The following VAPB variants were observed in gnomAD, a reference collection of about 807,000 sequenced individuals.
The protein encoded by VAPB is vesicle-associated membrane protein-associated protein B/C.
A neutral mutation model predicts 25.6 loss-of-function variants in VAPB; 7 were observed. The observed-to-expected ratio is 0.27, with a 90% confidence interval of 0.16 to 0.51. The LOEUF (loss-of-function observed/expected upper bound fraction) is 0.51, where lower values mean the gene tolerates loss of function less well. Among genes scored for constraint, VAPB ranks in the 20% least tolerant of loss-of-function variants. VAPB has a pLI of 0.97. For missense variants in VAPB, 266 were observed against 301.3 expected, an observed-to-expected ratio of 0.88 and a Z score of 0.87; for synonymous variants, 112 against 109.2, an observed-to-expected ratio of 1.03 and a Z score of -0.16.
chr20:58,439,230 A>G (rs1989111315), intron 4 of VAPB: 1 of 583,070 alleles, frequency 1.7e-6, no homozygotes, highest in Non-Finnish European at 3.0e-6. Flanking sequence ...ACTGATTGAC[A>G]GTGTTTCCCC....
At chr20:58,441,474 T>C (rs930747152) in intron 5 of VAPB, among the ~76,000 whole-genome samples, 2 of 152,158 alleles carry the variant, frequency 1.3e-5, no homozygotes, top group Non-Finnish European at 2.9e-5. Flanking sequence ...ACCCCGTCTC[T>C]AATAAAAAAT....
intron 3 of VAPB, among the ~76,000 whole-genome samples, chr20:58,437,363 A>T (rs1989071795): frequency 6.6e-6 from 1 of 152,104 alleles, no homozygotes; most frequent in Non-Finnish European, 1.5e-5. Flanking sequence ...TCATGATTAA[A>T]TTCAAGTTAA....
intron 1 of VAPB, among the ~76,000 whole-genome samples, chr20:58,407,820 A>G (rs1233427269): frequency 6.6e-6 from 1 of 152,182 alleles, no homozygotes; most frequent in Admixed American, 6.5e-5. Flanking sequence ...AAAGAGTTGT[A>G]TAGTATTCCT....
In VAPB at chr20:58,447,251, C is replaced by T. The variant is rs561741853; in HGVS notation, c.*3016C>T. 75 of 454,062 alleles carry T rather than the reference C, an allele frequency of 1.7e-4. No homozygotes were observed. Among genetic ancestry groups the T allele is most frequent in the African/African-American group, 1.1e-3 (57 of 50,114 alleles). 28.1% of individuals were successfully genotyped at this position (454,062 alleles called of 1,614,324 possible). On this transcript the variant is annotated 3_prime_UTR_variant, in exon 6 of 6. Coordinates refer to ENST00000475243, the MANE Select transcript of VAPB (RefSeq NM_004738.5). ...ATTGGTAACTTAAGCTTCCTTGGCA[C>T]GATACAAAATACCTCTTAAAGACAG...
At chr20:58,435,278 T>C (rs1487172691) in intron 3 of VAPB, among the ~76,000 whole-genome samples, 8 of 151,658 alleles carry the variant, frequency 5.3e-5, no homozygotes, top group Non-Finnish European at 1.0e-4. Flanking sequence ...ATGTTAGTGA[T>C]GGTTTTGGAA....
chr20:58,438,348 G>A (rs1337766455), intron 3 of VAPB, among the ~76,000 whole-genome samples: 1 of 152,134 alleles, frequency 6.6e-6, no homozygotes, highest in African/African-American at 2.4e-5. Flanking sequence ...CATGATCATG[G>A]CTCACTGCAG....
intron 1 of VAPB, among the ~76,000 whole-genome samples, chr20:58,406,740 A>G (rs555121428): frequency 6.7e-4 from 102 of 152,304 alleles, no homozygotes; most frequent in Admixed American, 3.7e-3. Flanking sequence ...AACTGTTAAA[A>G]CAACTACAAC....
Position 58,395,785 on chromosome 20 carries a change from T to G in VAPB, c.58+6268T>G, listed in dbSNP as rs6026234. ...TTGCTTTGGCCTTGCTCAGTGGGTA[T>G]GTGCGTTCTTTGAAGTTCTTACCTG... is the stretch of plus-strand genomic sequence containing the variant. On this transcript the variant is annotated intron_variant, in intron 1 of 5. Coordinates refer to ENST00000475243, the MANE Select transcript of VAPB (RefSeq NM_004738.5). 9.5e-3 allele frequency among the ~76,000 whole-genome samples: 1,440 copies of G among 152,332 alleles called. 30 individuals are homozygous for G. The highest frequency in any genetic ancestry group is 0.033 in the African/African-American group (1,367 of 41,574).
chr20:58,411,855 A>G (rs6026248), intron 1 of VAPB, among the ~76,000 whole-genome samples: 1 of 151,508 alleles, frequency 6.6e-6, no homozygotes, highest in African/African-American at 2.4e-5. Flanking sequence ...ATTTTTTTGT[A>G]TTTTTAGTAG....
Position 58,449,193 on chromosome 20 carries a change from C to A in VAPB, c.*4958C>A, listed in dbSNP as rs1289185559. ...TCCTCCAGCCTCTGAATCCCATTAG[C>A]CACAGCCTAGAACATTAGCTGAGCT... On this transcript the variant is annotated 3_prime_UTR_variant, in exon 6 of 6. Transcript: ENST00000475243. 1 of 454,136 alleles carries A rather than the reference C, an allele frequency of 2.2e-6. No homozygotes were observed. The highest frequency in any genetic ancestry group is 2.3e-5 in the Admixed American group (1 of 42,582). The allele number at this position is 454,136 out of a possible 1,614,324, so 28.1% of individuals were successfully genotyped here.
chr20:58,429,667 G>C (rs1450883083), intron 2 of VAPB, among the ~76,000 whole-genome samples: 1 of 152,206 alleles, frequency 6.6e-6, no homozygotes, highest in Non-Finnish European at 1.5e-5. Flanking sequence ...ATGCATATGT[G>C]CCTCTATTTT....
chr20:58,430,394 T>C (rs1028171675), intron 2 of VAPB, among the ~76,000 whole-genome samples: 3 of 151,830 alleles, frequency 2.0e-5, no homozygotes, highest in Non-Finnish European at 2.9e-5. Context: ...CCCGAATAGC[T>C]GGGATTACAG....
intron 2 of VAPB, among the ~76,000 whole-genome samples, chr20:58,423,626 G>A (rs1345153659): frequency 6.6e-6 from 1 of 152,070 alleles, no homozygotes; most frequent in Non-Finnish European, 1.5e-5. Context: ...CCTTTCAGGT[G>A]CACTAGGGTA....
intron 5 of VAPB, among the ~76,000 whole-genome samples, chr20:58,443,398 G>GTTTTTT (rs397773897): frequency 6.2e-5 from 7 of 112,834 alleles, no homozygotes; most frequent in South Asian, 2.9e-4. Flanking sequence ...CCACTTTTAG[G>GTTTTTT]TTTTTTTTTT....
chr20:58,444,366 C>A lies in VAPB; in HGVS notation c.*131C>A. 1 of 1,267,778 alleles carries A rather than the reference C, an allele frequency of 7.9e-7. No individual in the cohort carries two copies. The highest frequency in any genetic ancestry group is 1.1e-6 in the Non-Finnish European group (1 of 873,736). The allele number at this position is 1,267,778 out of a possible 1,614,324, so 78.5% of individuals were successfully genotyped here. ...TCACAGGTCTTGCCTTTAAATTACC[C>A]CTCCCTGCACACACATACACAGATA... On this transcript the variant is annotated 3_prime_UTR_variant, in exon 6 of 6. Coordinates refer to ENST00000475243, the MANE Select transcript of VAPB (RefSeq NM_004738.5).
chr20:58,411,697 C>T lies in VAPB; in HGVS notation c.59-6514C>T, dbSNP rs73296824. Among the ~76,000 whole-genome samples the T allele has an allele frequency of 3.9e-3, 587 of 152,078 alleles. 2 individuals are homozygous for T. The highest frequency in any genetic ancestry group is 0.011 in the African/African-American group (460 of 41,488). Reference sequence around the variant, plus strand: ...ATTTTATTTTTATTATTTTTTGAGACGGAGTCTCTTTCGCTCTGTCACCCA... The same window carrying T: ...ATTTTATTTTTATTATTTTTTGAGATGGAGTCTCTTTCGCTCTGTCACCCA... On this transcript the variant is annotated intron_variant, in intron 1 of 5. Coordinates refer to ENST00000475243, the MANE Select transcript of VAPB (RefSeq NM_004738.5).
intron 1 of VAPB, among the ~76,000 whole-genome samples, chr20:58,409,721 A>AT: frequency 6.6e-6 from 1 of 152,198 alleles, no homozygotes; most frequent in Non-Finnish European, 1.5e-5. Flanking sequence ...GACCTGATAG[A>AT]TTATATATCA....
rs1393403690 is a variant in VAPB, at chr20:58,448,326, C to T, written c.*4091C>T. ...CTGTGGCCTAATTGGATTTGGAGAA[C>T]GCCTTCCCTGGCCCCTTTTCCTCAG... On this transcript the variant is annotated 3_prime_UTR_variant, in exon 6 of 6. Coordinates refer to ENST00000475243, the MANE Select transcript of VAPB (RefSeq NM_004738.5). 4 of 453,434 alleles carry T rather than the reference C, an allele frequency of 8.8e-6. No homozygotes were observed. Among genetic ancestry groups the T allele is most frequent in the Non-Finnish European group, 1.8e-5 (4 of 226,380 alleles). 28.1% of individuals were successfully genotyped at this position (453,434 alleles called of 1,614,324 possible). A position where few individuals can be genotyped will look rare whatever the true frequency, so the allele number is the denominator to read the frequency against.
At chr20:58,405,452 G>GTTTATT (rs75779168) in intron 1 of VAPB, among the ~76,000 whole-genome samples, 50,557 of 149,594 alleles carry the variant, frequency 0.34, 8,888 homozygotes, top group African/African-American at 0.35. Flanking sequence ...CTGAGCAGGA[G>GTTTATT]TTTATTTTTA....
Sources: allele counts gnomAD v4.1 joint callset (sites outside exome capture counted in the v4.1 genomes callset), GRCh38; gene constraint gnomAD v4.1.1; transcripts MANE v1.5; gene names NCBI Gene and HGNC (gene_info 2026-07-23, HGNC 2026-07-21).